Variants in SH3TC2 observed in about 807,000 individuals in gnomAD.
The protein encoded by SH3TC2 is SH3 domain and tetratricopeptide repeat-containing protein 2.
Under a neutral mutation model 124.5 loss-of-function variants are expected in SH3TC2, and 87 were observed. That is an observed-to-expected ratio of 0.70 (90% CI 0.59 to 0.84). The LOEUF is 0.84. Ranked by LOEUF, SH3TC2 falls within the 40% of genes least tolerant of loss-of-function variation. SH3TC2 has a pLI of 0.00. For synonymous variants in SH3TC2, 634 were observed against 628.5 expected, an observed-to-expected ratio of 1.01 and a Z score of -0.13; for missense variants, 1,536 against 1,566.4, an observed-to-expected ratio of 0.98 and a Z score of 0.33.
Position 148,998,519 on chromosome 5 carries a change from G to A in SH3TC2, c.*6192C>T, listed in dbSNP as rs1410080608. Reference sequence around the variant, plus strand: ...AAGCTAGTGTGATGCCCTGGATAAGGAGTCAAAGGCAGCACTAGAAGTGGC... The same window carrying A: ...AAGCTAGTGTGATGCCCTGGATAAGAAGTCAAAGGCAGCACTAGAAGTGGC... On this transcript the variant is annotated 3_prime_UTR_variant, in exon 17 of 17. Transcript: ENST00000515425. Among the ~76,000 whole-genome samples, 1 of 152,186 alleles carries A rather than the reference G, an allele frequency of 6.6e-6. No individual in the cohort carries two copies. The highest frequency in any genetic ancestry group is 2.4e-5 in the African/African-American group (1 of 41,430).
rs1245478540 is a variant in SH3TC2 at position 149,027,091 on chromosome 5, T to C, written c.2641A>G (p.Asn881Asp). The change falls in exon 11 of 17, where the codon AAT (asparagine) becomes GAT (aspartate). Residue 881 changes from asparagine (N) to aspartate (D), a missense_variant. Coordinates refer to ENST00000515425, the MANE Select transcript of SH3TC2 (RefSeq NM_024577.4). ...DVHNQAVAMA[N>D]LGHLSLKSWA... ...GACTTAAGGCTCAGGTGGCCAAGAT[T>C]GGCCATAGCCACTGCCTGGTTATGC... is the stretch of plus-strand genomic sequence containing the variant. 6.2e-7 allele frequency: 1 copy of C among 1,614,160 alleles called. No homozygotes were observed. The highest frequency in any genetic ancestry group is 1.1e-5 in the South Asian group (1 of 91,086).
At chr5:149,056,057 T>G (rs1580919481) in intron 1 of SH3TC2, among the ~76,000 whole-genome samples, 1 of 152,186 alleles carries the variant, frequency 6.6e-6, no homozygotes, top group African/African-American at 2.4e-5. Flanking sequence ...TCTATATAAA[T>G]GGTAAATTTT....
intron 12 of SH3TC2, among the ~76,000 whole-genome samples, chr5:149,016,628 A>T (rs189208931): frequency 6.4e-4 from 97 of 152,336 alleles, no homozygotes; most frequent in African/African-American, 2.3e-3. Context: ...GCATAAATGT[A>T]AGAATAAAAG....
At chr5:149,057,430 G>A (rs1754668673) in intron 1 of SH3TC2, 1 of 151,546 alleles carries the variant, frequency 6.6e-6, no homozygotes, top group African/African-American at 2.4e-5. Context: ...TTTATTTTAA[G>A]TTCAGGGGTA....
chr5:149,059,468 A>G (rs1754707856), intron 1 of SH3TC2, among the ~76,000 whole-genome samples: 1 of 151,276 alleles, frequency 6.6e-6, no homozygotes, highest in African/African-American at 2.4e-5. Flanking sequence ...AACAGTAAAC[A>G]TTTATCTGCA....
intron 1 of SH3TC2, among the ~76,000 whole-genome samples, chr5:149,059,048 A>T (rs1010700142): frequency 1.3e-5 from 2 of 152,192 alleles, no homozygotes; most frequent in African/African-American, 4.8e-5. Flanking sequence ...ATTTTTAAAC[A>T]AGAAAAGAGA....
intron 12 of SH3TC2, among the ~76,000 whole-genome samples, chr5:149,018,921 A>C (rs867546541): frequency 6.6e-6 from 1 of 152,240 alleles, no homozygotes; most frequent in Middle Eastern, 3.4e-3. Flanking sequence ...TCCTTTGCTG[A>C]AAGCATTGTC....
intron 8 of SH3TC2, among the ~76,000 whole-genome samples, chr5:149,037,287 C>G (rs1754298392): frequency 7.0e-6 from 1 of 141,920 alleles, no homozygotes; most frequent in South Asian, 2.2e-4. Context: ...ATGAAGTTCT[C>G]TTGATATCCT....
chr5:149,003,915 C>A lies in SH3TC2; in HGVS notation c.*796G>T, dbSNP rs1018091936. The stretch of plus-strand genomic sequence containing the variant: ...CTCCCATCCATCAAGTCCTCCATCT[C>A]ATCTGCCCCCATTGTGGATGAGACA... On this transcript the variant is annotated 3_prime_UTR_variant, in exon 17 of 17. Transcript: ENST00000515425. 9.5e-6 allele frequency: 3 copies of A among 316,350 alleles called. No homozygotes were observed. The highest frequency in any genetic ancestry group is 6.6e-5 in the African/African-American group (3 of 45,256). The allele number at this position is 316,350 out of a possible 1,614,324, so 19.6% of individuals were successfully genotyped here.
In SH3TC2 at chr5:148,985,194, C is replaced by T; in HGVS notation, c.*19517G>A. On this transcript the variant is annotated 3_prime_UTR_variant, in exon 17 of 17. Transcript: ENST00000515425. ...AAAGCACTTAAAATCAAAACACACG[C>T]AAAAATATATTACTACTCATTTGAG... Among the ~76,000 whole-genome samples the T allele has an allele frequency of 6.6e-6, 1 of 150,950 alleles. No individual in the cohort carries two copies. Among genetic ancestry groups the T allele is most frequent in the East Asian group, 1.9e-4 (1 of 5,178 alleles).
At chr5:149,028,800 T>A in intron 9 of SH3TC2, 82 bp from the exon 10 acceptor site, 3 of 1,450,626 alleles carry the variant, frequency 2.1e-6, no homozygotes, top group Non-Finnish European at 2.9e-6. Flanking sequence ...CCCAGATCAG[T>A]GGCCTCTTAG....
At chr5:149,021,855 A>C (rs1753975328) in intron 12 of SH3TC2, among the ~76,000 whole-genome samples, 1 of 149,152 alleles carries the variant, frequency 6.7e-6, no homozygotes, top group Non-Finnish European at 1.5e-5. Context: ...TTTAAAGGAG[A>C]ATTAACACCA....
In SH3TC2 at chr5:149,008,903, A is replaced by T. The variant is rs772140981; in HGVS notation, c.3426T>A (p.Tyr1142Ter). Residue 1142 changes from tyrosine (Y) to a stop codon, truncating the protein, a stop_gained, in exon 15 of 17, where the codon TAT becomes TAA. Coordinates refer to ENST00000515425, the MANE Select transcript of SH3TC2 (RefSeq NM_024577.4). LOFTEE classifies it high-confidence loss of function. ...LTELQISLEG[Y>*]EKALEFATLA... ...GGGTGGCAAATTCCAAAGCCTTCTC[A>T]TAGCCTTCGAGGCTAATCTGCAGCT... 6.2e-7 allele frequency: 1 copy of T among 1,614,070 alleles called. No individual in the cohort carries two copies. Among genetic ancestry groups the T allele is most frequent in the Non-Finnish European group, 8.5e-7 (1 of 1,180,038 alleles).
chr5:149,043,970 G>A (rs1326124092), intron 4 of SH3TC2: 2 of 154,624 alleles, frequency 1.3e-5, no homozygotes, highest in Non-Finnish European at 2.9e-5. Flanking sequence ...GTTCTGTCTG[G>A]AGAAGGCAGG....
In SH3TC2 at chr5:149,032,156, T is replaced by C. The variant is rs551706970; in HGVS notation, c.1002-469A>G. The stretch of plus-strand genomic sequence containing the variant: ...CAAGTGACACAATCTAGAAGAACAA[T>C]GAAGAAAATCTGACCATGGTCAGAG... On this transcript the variant is annotated intron_variant, in intron 8 of 16. Coordinates refer to ENST00000515425, the MANE Select transcript of SH3TC2 (RefSeq NM_024577.4). 2.0e-5 allele frequency among the ~76,000 whole-genome samples: 3 copies of C among 152,214 alleles called. No homozygotes were observed. In the East Asian group the frequency reaches 5.8e-4, roughly 29 times the overall value.
intron 8 of SH3TC2, 93 bp downstream of exon 8, chr5:149,038,202 C>T (rs772039229): frequency 2.4e-6 from 3 of 1,238,544 alleles, no homozygotes; most frequent in East Asian, 4.7e-5. Flanking sequence ...CACCAGGGCA[C>T]CCTCGAAGCT....
chr5:149,062,341 T>A (rs766864122), intron 1 of SH3TC2: 1 of 532,848 alleles, frequency 1.9e-6, no homozygotes, highest in Admixed American at 1.9e-5. Context: ...ACCAGCCTGG[T>A]TGGCCTGGAA....
rs1016099599 is a variant in SH3TC2 at position 149,000,375 on chromosome 5, C to T, written c.*4336G>A. Among the ~76,000 whole-genome samples the T allele has an allele frequency of 1.3e-5, 2 of 152,160 alleles. No individual in the cohort carries two copies. Among genetic ancestry groups the T allele is most frequent in the African/African-American group, 4.8e-5 (2 of 41,420 alleles). ...TACACTCTCTGCCACTTATTAATCTCTCTGTTTTCAAACAATGCCAGATAA... is the reference window on the plus strand; with the variant it reads ...TACACTCTCTGCCACTTATTAATCTTTCTGTTTTCAAACAATGCCAGATAA... On this transcript the variant is annotated 3_prime_UTR_variant, in exon 17 of 17. Coordinates refer to ENST00000515425, the MANE Select transcript of SH3TC2 (RefSeq NM_024577.4).
At position 149,003,861 on chromosome 5, in the gene SH3TC2, A is replaced by G; in HGVS notation, c.*850T>C. The G allele has an allele frequency of 2.5e-6, 1 of 399,462 alleles. No homozygotes were observed. Among genetic ancestry groups the G allele is most frequent in the Non-Finnish European group, 4.9e-6 (1 of 204,804 alleles). The allele number at this position is 399,462 out of a possible 1,614,324, so 24.7% of individuals were successfully genotyped here. A position where few individuals can be genotyped will look rare whatever the true frequency, so the allele number is the denominator to read the frequency against. Reference sequence around the variant, plus strand: ...GGAGAAACTGTCTCAAAAAAAAAAAAAAAAAAAAAAGACATGTATTGGTAT... The same window carrying G: ...GGAGAAACTGTCTCAAAAAAAAAAAGAAAAAAAAAAGACATGTATTGGTAT... On this transcript the variant is annotated 3_prime_UTR_variant, in exon 17 of 17. Transcript: ENST00000515425.
Sources: allele counts gnomAD v4.1 joint callset (sites outside exome capture counted in the v4.1 genomes callset), GRCh38; gene constraint gnomAD v4.1.1; transcripts MANE v1.5; gene names NCBI Gene and HGNC (gene_info 2026-07-23, HGNC 2026-07-21).